The following SLC38A9 variants were observed in gnomAD, a reference collection of about 807,000 sequenced individuals.
The protein encoded by SLC38A9 is solute carrier family 38 member 9.
In SLC38A9, 48 loss-of-function variants were observed where a neutral mutation model predicts 62.3. That is an observed-to-expected ratio of 0.77 (90% confidence interval 0.61 to 0.98). SLC38A9 has a LOEUF of 0.98. SLC38A9 is among the 50% of genes least tolerant of loss of function. SLC38A9 has a pLI of 0.00. For missense variants in SLC38A9, 541 were observed against 679.8 expected, an observed-to-expected ratio of 0.80 and a Z score of 2.27; for synonymous variants, 204 against 227.7, an observed-to-expected ratio of 0.90 and a Z score of 0.94.
intron 2 of SLC38A9, among the ~76,000 whole-genome samples, chr5:55,701,967 C>T (rs963219322): frequency 1.3e-5 from 2 of 152,190 alleles, no homozygotes; most frequent in African/African-American, 4.8e-5. Flanking sequence ...GTATCTTTCA[C>T]TTTCTTCTGT....
At chr5:55,688,383 T>C (rs1486872075) in intron 3 of SLC38A9, among the ~76,000 whole-genome samples, 1 of 144,458 alleles carries the variant, frequency 6.9e-6, no homozygotes, top group African/African-American at 2.5e-5. Flanking sequence ...ATAATCTCTT[T>C]TTTTTTTTTT....
At chr5:55,703,001 C>T (rs2150688014) in intron 2 of SLC38A9, 1 of 152,026 alleles carries the variant, frequency 6.6e-6, no homozygotes, top group East Asian at 1.9e-4. Flanking sequence ...ACAAGAAGGG[C>T]TTTATTTCTA....
chr5:55,688,189 C>G (rs970136359), intron 3 of SLC38A9, among the ~76,000 whole-genome samples: 40 of 152,062 alleles, frequency 2.6e-4, no homozygotes, highest in African/African-American at 8.2e-4. Context: ...GATATAGGAT[C>G]ACGTCATCTG....
At chr5:55,637,561 C>A (rs188990032) in intron 12 of SLC38A9, among the ~76,000 whole-genome samples, 1 of 152,222 alleles carries the variant, frequency 6.6e-6, no homozygotes, top group African/African-American at 2.4e-5. Flanking sequence ...GTGTCTGTAC[C>A]ACAAGACTCT....
chr5:55,644,872 C>T (rs1012772665), intron 12 of SLC38A9, among the ~76,000 whole-genome samples: 1 of 152,030 alleles, frequency 6.6e-6, no homozygotes, highest in African/African-American at 2.4e-5. Flanking sequence ...CCCCACTCCC[C>T]CCACCCCACA....
intron 10 of SLC38A9, among the ~76,000 whole-genome samples, chr5:55,652,212 G>A (rs1234430052): frequency 6.6e-6 from 1 of 151,390 alleles, no homozygotes; most frequent in Non-Finnish European, 1.5e-5. Flanking sequence ...TACAAAATTA[G>A]CTGGGTGTGG....
intron 14 of SLC38A9, among the ~76,000 whole-genome samples, chr5:55,632,349 A>G (rs1353012841): frequency 6.6e-6 from 1 of 152,114 alleles, no homozygotes; most frequent in Non-Finnish European, 1.5e-5. Flanking sequence ...GAGGCAGGAG[A>G]ATGGCGTGAA....
chr5:55,691,077 T>C (rs1754666761), intron 3 of SLC38A9: 1 of 672,710 alleles, frequency 1.5e-6, no homozygotes, highest in Non-Finnish European at 2.7e-6. Flanking sequence ...CATACCTAGG[T>C]TGTTTGAAGG....
intron 14 of SLC38A9, among the ~76,000 whole-genome samples, chr5:55,629,407 C>T (rs933739607): frequency 5.3e-5 from 8 of 152,054 alleles, no homozygotes; most frequent in African/African-American, 1.9e-4. Context: ...GCCAAACACT[C>T]TCCAAAGTAT....
At chr5:55,697,117 A>T (rs1456433952) in intron 3 of SLC38A9, 10 of 140,924 alleles carry the variant, frequency 7.1e-5, no homozygotes, top group African/African-American at 2.7e-4. Flanking sequence ...ATCCCAGACG[A>T]TGGGCGGCCA....
intron 3 of SLC38A9, among the ~76,000 whole-genome samples, chr5:55,681,141 G>A (rs563588997): frequency 5.9e-5 from 9 of 152,190 alleles, no homozygotes; most frequent in South Asian, 2.1e-4. Flanking sequence ...TATATATTAC[G>A]AACCTTAATT....
At chr5:55,677,265 A>G (rs1752234233) in intron 3 of SLC38A9, among the ~76,000 whole-genome samples, 1 of 152,220 alleles carries the variant, frequency 6.6e-6, no homozygotes, top group Admixed American at 6.5e-5. Flanking sequence ...CAAATAAAAC[A>G]TTAATATATA....
At chr5:55,672,472 G>A in intron 4 of SLC38A9, 91 bp downstream of exon 4, 4 of 1,418,924 alleles carry the variant, frequency 2.8e-6, no homozygotes, top group Non-Finnish European at 2.9e-6. Context: ...CAGTCAGAAA[G>A]AAGTTCAATC....
At chr5:55,697,676 T>C (rs12655532) in intron 3 of SLC38A9, among the ~76,000 whole-genome samples, 170 bp downstream of exon 3, 2 of 136,110 alleles carry the variant, frequency 1.5e-5, no homozygotes, top group South Asian at 2.3e-4. Flanking sequence ...AAAAAAAAAA[T>C]ATAAACCAGT....
intron 12 of SLC38A9, among the ~76,000 whole-genome samples, chr5:55,641,986 T>C (rs560439270): frequency 6.6e-6 from 1 of 152,368 alleles, no homozygotes; most frequent in Admixed American, 6.5e-5. Flanking sequence ...GTAAGAACCA[T>C]GCAACATGAG....
intron 8 of SLC38A9, among the ~76,000 whole-genome samples, chr5:55,657,586 G>A (rs536299344): frequency 1.3e-5 from 2 of 151,418 alleles, no homozygotes; most frequent in African/African-American, 2.4e-5. Context: ...TTAGACTAAA[G>A]GAAGTAACAA....
At position 55,683,682 on chromosome 5, in the gene SLC38A9, C is replaced by T. The variant is rs542130508; in HGVS notation, c.114-10987G>A. 1.3e-3 allele frequency among the ~76,000 whole-genome samples: 198 copies of T among 152,224 alleles called. 1 individual carries two copies. The highest frequency in any genetic ancestry group is 0.01 in the Middle Eastern group (3 of 294). On this transcript the variant is annotated intron_variant, in intron 3 of 15. Coordinates refer to ENST00000396865, the MANE Select transcript of SLC38A9 (RefSeq NM_173514.4). ...TATTTTTCTGTCTGGCTTCTTTTGC[C>T]AACATTATCTTTGTGACATTCACCC... is the stretch of plus-strand genomic sequence containing the variant.
chr5:55,664,791 G>A lies in SLC38A9; in HGVS notation c.599C>T (p.Ser200Leu), dbSNP rs1271201783. ...AGACACCAAGGAGAAAAGGAGACTC[G>A]ACCACTGCCCAAAGGAGCCGAAATA... ...RHYFGSFGQW[S>L]SLLFSLVSLI... Residue 200 changes from serine (S) to leucine (L), a missense_variant, in exon 8 of 16, where the codon TCG becomes TTG. Coordinates refer to ENST00000396865, the MANE Select transcript of SLC38A9 (RefSeq NM_173514.4). The A allele has an allele frequency of 4.4e-6, 7 of 1,595,978 alleles. No homozygotes were observed. The highest frequency in any genetic ancestry group is 1.1e-5 in the South Asian group (1 of 87,504).
intron 3 of SLC38A9, among the ~76,000 whole-genome samples, chr5:55,681,466 C>CAA (rs1183148998): frequency 1.1e-4 from 16 of 152,292 alleles, no homozygotes; most frequent in Admixed American, 7.2e-4. Flanking sequence ...CCTTATCTAT[C>CAA]ATTCTTAGCT....
Sources: allele counts gnomAD v4.1 joint callset (sites outside exome capture counted in the v4.1 genomes callset), GRCh38; gene constraint gnomAD v4.1.1; transcripts MANE v1.5; gene names NCBI Gene and HGNC (gene_info 2026-07-23, HGNC 2026-07-21).